The following FSTL4 variants were observed in gnomAD, a reference collection of about 807,000 sequenced individuals.
FSTL4 encodes follistatin-related protein 4.
Under a neutral mutation model 78.2 loss-of-function variants are expected in FSTL4, and 28 were observed. The observed-to-expected ratio is 0.36, with a 90% CI of 0.27 to 0.49. FSTL4 has a LOEUF of 0.49. FSTL4 is among the 20% of genes least tolerant of loss of function. The probability of loss-of-function intolerance (pLI) is 0.98; values close to 1 mark genes in which losing one functional copy is unlikely to be tolerated. For synonymous variants in FSTL4, 422 were observed against 440.5 expected, an observed-to-expected ratio of 0.96 and a Z score of 0.53; for missense variants, 922 against 1,084.9, an observed-to-expected ratio of 0.85 and a Z score of 2.11.
chr5:133,811,583 A>T, the FSTL4 span, among the ~76,000 whole-genome samples: 2 of 152,182 alleles, frequency 1.3e-5, no homozygotes, highest in Non-Finnish European at 2.9e-5. Context: ...CCAAAAACTG[A>T]CAGTTCATGC....
chr5:133,384,140 C>T (rs917376217), intron 4 of FSTL4, among the ~76,000 whole-genome samples: 4 of 152,200 alleles, frequency 2.6e-5, no homozygotes, highest in Non-Finnish European at 5.9e-5. Context: ...CCCCACCCTC[C>T]TGCGGAACCC....
At chr5:133,695,766 C>G in the FSTL4 span, among the ~76,000 whole-genome samples, 1 of 152,146 alleles carries the variant, frequency 6.6e-6, no homozygotes. Flanking sequence ...CCAAAGGCAA[C>G]CCCCTCCCCT....
At chr5:133,622,369 T>C in the FSTL4 span, among the ~76,000 whole-genome samples, 1 of 152,222 alleles carries the variant, frequency 6.6e-6, no homozygotes, top group Non-Finnish European at 1.5e-5. Flanking sequence ...TGTGTGAACA[T>C]AAATTTTCAT....
At chr5:133,421,319 T>G (rs975833854) in intron 3 of FSTL4, among the ~76,000 whole-genome samples, 18 of 152,274 alleles carry the variant, frequency 1.2e-4, no homozygotes, top group Non-Finnish European at 2.1e-4. Flanking sequence ...GTTGTCTGTC[T>G]GTAGAGGGTT....
At chr5:133,603,446 T>C (rs1266955552) in intron 2 of FSTL4, among the ~76,000 whole-genome samples, 1 of 152,256 alleles carries the variant, frequency 6.6e-6, no homozygotes, top group Non-Finnish European at 1.5e-5. Context: ...TTTCTATCTA[T>C]ATACCTGAAA....
intron 4 of FSTL4, among the ~76,000 whole-genome samples, chr5:133,379,780 A>G (rs1452763837): frequency 6.6e-6 from 1 of 152,248 alleles, no homozygotes; most frequent in Non-Finnish European, 1.5e-5. Context: ...TAATGCTTAC[A>G]TTAAAAAAGA....
chr5:133,540,268 C>T (rs28692646), intron 3 of FSTL4, among the ~76,000 whole-genome samples: 1 of 146,832 alleles, frequency 6.8e-6, no homozygotes, highest in African/African-American at 2.5e-5. Context: ...CACACACGCA[C>T]TCATTCATTC....
intron 4 of FSTL4, among the ~76,000 whole-genome samples, chr5:133,370,278 G>A (rs1399997822): frequency 6.6e-6 from 1 of 152,186 alleles, no homozygotes; most frequent in Non-Finnish European, 1.5e-5. Flanking sequence ...GAATATGGCA[G>A]CTGTGGTTGG....
intron 4 of FSTL4, 47 bp downstream of exon 4, chr5:133,400,691 G>C: frequency 6.4e-7 from 1 of 1,570,052 alleles, no homozygotes; most frequent in Non-Finnish European, 8.7e-7. Context: ...GGCATTGGAA[G>C]ACCCATCACA....
At chr5:133,247,897 A>AC (rs1752090509) in intron 7 of FSTL4, 1 of 152,110 alleles carries the variant, frequency 6.6e-6, no homozygotes, top group South Asian at 2.1e-4. Context: ...TTCCCCCATG[A>AC]CCCCCAGGGT....
intron 4 of FSTL4, among the ~76,000 whole-genome samples, chr5:133,373,805 C>T (rs1561690872): frequency 6.6e-6 from 1 of 152,164 alleles, no homozygotes; most frequent in East Asian, 1.9e-4. Flanking sequence ...GCAATGGTCC[C>T]CAAAATCTCA....
At chr5:133,551,733 C>A (rs975423495) in intron 3 of FSTL4, among the ~76,000 whole-genome samples, 2 of 152,106 alleles carry the variant, frequency 1.3e-5, no homozygotes, top group Non-Finnish European at 2.9e-5. Context: ...ACCCAGTGGA[C>A]CAAATATATA....
chr5:133,479,827 G>GT, intron 3 of FSTL4, among the ~76,000 whole-genome samples: 2 of 152,278 alleles, frequency 1.3e-5, no homozygotes, highest in East Asian at 3.9e-4. Flanking sequence ...AAATGGATCA[G>GT]TTTTCTGGCA....
At chr5:133,477,901 G>C (rs1022455606) in intron 3 of FSTL4, among the ~76,000 whole-genome samples, 30 of 152,166 alleles carry the variant, frequency 2.0e-4, no homozygotes, top group African/African-American at 7.0e-4. Flanking sequence ...CTCTTGTTGG[G>C]GACATTTCAT....
At chr5:133,622,072 C>A in the FSTL4 span, among the ~76,000 whole-genome samples, 7 of 152,204 alleles carry the variant, frequency 4.6e-5, no homozygotes, top group South Asian at 2.1e-4. Flanking sequence ...TATCCCTAAT[C>A]TCTGGCAACC....
At chr5:133,821,608 G>T in the FSTL4 span, among the ~76,000 whole-genome samples, 1 of 152,176 alleles carries the variant, frequency 6.6e-6, no homozygotes, top group Non-Finnish European at 1.5e-5. Flanking sequence ...GGTGAGAGGT[G>T]CTATGAAGAC....
the FSTL4 span, among the ~76,000 whole-genome samples, chr5:133,676,028 A>G: frequency 6.6e-6 from 1 of 152,164 alleles, no homozygotes; most frequent in Non-Finnish European, 1.5e-5. Flanking sequence ...CTCCATGACC[A>G]GGTGCCAGGG....
Position 133,548,816 on chromosome 5 carries a change from T to C in FSTL4, c.160+18370A>G, listed in dbSNP as rs79734422. Among the ~76,000 whole-genome samples the C allele has an allele frequency of 2.8e-3, 425 of 152,240 alleles. 4 individuals carry two copies. Among genetic ancestry groups the C allele is most frequent in the Admixed American group, 0.022 (342 of 15,284 alleles). On this transcript the variant is annotated intron_variant, in intron 3 of 15. Transcript: ENST00000265342. ...AAAGGTTAATGAACTCAAAGGTAGA[T>C]TGAAGCTTGAAGGGGGAAAAAAGAA... is the stretch of plus-strand genomic sequence containing the variant.
chr5:133,199,283 G>A lies in FSTL4; in HGVS notation c.2341C>T (p.Pro781Ser), dbSNP rs764135066. 2 of 1,613,986 alleles carry A rather than the reference G, an allele frequency of 1.2e-6. No homozygotes were observed. The highest frequency in any genetic ancestry group is 1.1e-5 in the South Asian group (1 of 91,082). ...VGMLKNLKEP[P>S]AGPAQPWGGT... is the part of the protein sequence containing the mutation. Reference sequence around the variant, plus strand: ...CCCCAGGGCTGAGCTGGCCCTGCGGGTGGCTCCTTTAAGTTCTTCAGCATG... The same window carrying A: ...CCCCAGGGCTGAGCTGGCCCTGCGGATGGCTCCTTTAAGTTCTTCAGCATG... Residue 781 changes from proline to serine, a missense_variant, in exon 16 of 16, where the codon CCC becomes TCC. Pro to Ser is a moderately conservative substitution (Grantham distance 74). Transcript: ENST00000265342. The surrounding 1 kb of genome is among the most constrained non-coding windows in gnomAD (Gnocchi z 4.4).
Sources: gnomAD v4.1 joint callset for allele counts (sites outside exome capture counted in the v4.1 genomes callset) on GRCh38, gnomAD v4.1.1 for gene constraint, Gnocchi (gnomAD v3.1) non-coding constraint, MANE v1.5 for transcripts, NCBI Gene and HGNC (gene_info 2026-07-23, HGNC 2026-07-21) for gene names.